Variants in DNAH11 observed in about 807,000 individuals in gnomAD.
DNAH11 encodes axonemal beta dynein heavy chain 11.
A neutral mutation model predicts 526.0 loss-of-function variants in DNAH11; 442 were observed. That is an observed-to-expected ratio of 0.84 (90% CI 0.78 to 0.91). DNAH11 has a LOEUF of 0.91. Among genes scored for constraint, DNAH11 ranks in the 40% least tolerant of loss-of-function variants. DNAH11 has a pLI of 0.00. For synonymous variants in DNAH11, 2,461 were observed against 1,935.9 expected (o/e 1.27, Z -7.12); for missense variants, 6,989 against 5,448.7 (o/e 1.28, Z -8.90).
rs780422496 is a variant in DNAH11, at chr7:21,742,170, C to T, written c.8154+4C>T. 1.9e-6 allele frequency: 3 copies of T among 1,613,374 alleles called. No homozygotes were observed. In the South Asian group the frequency reaches 3.3e-5, roughly 18 times the overall value. ...AGATTTATCAAACGTCTTCCAGGTA[C>T]CTTGACTGCTCTATGTTATGCCTCT... is the stretch of plus-strand genomic sequence containing the variant. On this transcript the variant is annotated splice_donor_region_variant and intron_variant, in intron 49 of 81. Transcript: ENST00000409508.
intron 28 of DNAH11, among the ~76,000 whole-genome samples, chr7:21,655,620 A>G (rs1192861301): frequency 6.6e-6 from 1 of 152,210 alleles, no homozygotes; most frequent in Admixed American, 6.5e-5. Context: ...ATCAGCCAGT[A>G]TGTGATGATT....
In DNAH11 at chr7:21,866,405, GTCT is replaced by G. The variant is rs1562592700; in HGVS notation, c.11497-58_11497-56del. 2.1e-5 allele frequency: 31 copies of G among 1,457,012 alleles called. No homozygotes were observed. In the South Asian group the frequency reaches 3.4e-4, roughly 16 times the overall value. 90.3% of individuals were successfully genotyped at this position (1,457,012 alleles called of 1,614,324 possible). Reference sequence around the variant, plus strand: ...TACATAAGATTAGATACATTCACAAGTCTTCTTCTCAAACTGTAAAGTATCGTT... The same window carrying G: ...TACATAAGATTAGATACATTCACAAGTCTTCTCAAACTGTAAAGTATCGTT... On this transcript the variant is annotated intron_variant, in intron 70 of 81. Transcript: ENST00000409508.
At chr7:21,783,830 T>C (rs1788060697) in intron 57 of DNAH11, among the ~76,000 whole-genome samples, 1 of 152,214 alleles carries the variant, frequency 6.6e-6, no homozygotes, top group South Asian at 2.1e-4. Context: ...ATGTGGGCTC[T>C]TGCATCTCTG....
At chr7:21,893,495 G>A (rs367626078) in intron 77 of DNAH11, among the ~76,000 whole-genome samples, 9 of 152,160 alleles carry the variant, frequency 5.9e-5, no homozygotes, top group Admixed American at 2.0e-4. Context: ...ATAAATTGCC[G>A]GTCAGAGTGA....
rs1233404810 is a variant in DNAH11, at chr7:21,698,132, T to C, written c.6099T>C (p.Ala2033=). 28 of 1,613,574 alleles carry C rather than the reference T, an allele frequency of 1.7e-5. No individual in the cohort carries two copies. The East Asian group carries it at 6.2e-4, about 36-fold the overall frequency. ...IELICEILLV[A]EGFVDARALA... ...TAATCTGTGAAATCTTGTTAGTTGC[T>C]GAAGGTTTTGTGGATGCGCGTGCAT... Residue 2033 remains alanine, a synonymous_variant, in exon 36 of 82, where the codon GCT becomes GCC. Transcript: ENST00000409508.
intron 8 of DNAH11, among the ~76,000 whole-genome samples, chr7:21,574,037 C>T (rs763265507): frequency 2.8e-4 from 43 of 152,168 alleles, no homozygotes; most frequent in Non-Finnish European, 1.0e-4. Context: ...GGGATTTTAT[C>T]AGGTGTGCCC....
intron 73 of DNAH11, among the ~76,000 whole-genome samples, chr7:21,872,868 C>T (rs182049374): frequency 2.0e-5 from 3 of 152,282 alleles, no homozygotes; most frequent in Non-Finnish European, 2.9e-5. Context: ...GGGTGTCAGG[C>T]ACATTTCTGG....
intron 8 of DNAH11, among the ~76,000 whole-genome samples, chr7:21,574,715 C>T (rs142905915): frequency 0.023 from 3,483 of 151,310 alleles, 116 homozygotes; most frequent in African/African-American, 0.078. Flanking sequence ...AGGGGCACAC[C>T]ACCACGCCCA....
At position 21,864,547 on chromosome 7, in the gene DNAH11, AAGAAAG is replaced by A; in HGVS notation, c.11390_11395del (p.Lys3797_Glu3798del). 6.2e-7 allele frequency: 1 copy of A among 1,611,314 alleles called. No homozygotes were observed. Among genetic ancestry groups the A allele is most frequent in the Non-Finnish European group, 8.5e-7 (1 of 1,178,670 alleles). ...GTCTACTCTCAAGATTTTGTTGAGA[AAGAAAG>A]AGATAGACCCTCTTGAATTGGATTT... On this transcript the variant is annotated inframe_deletion, in exon 70 of 82. Transcript: ENST00000409508.
chr7:21,772,109 G>T (rs996100870), intron 55 of DNAH11, among the ~76,000 whole-genome samples: 1 of 152,138 alleles, frequency 6.6e-6, no homozygotes, highest in African/African-American at 2.4e-5. Context: ...ATTACAACCA[G>T]CTGCTCCCTG....
At chr7:21,729,337 A>G (rs1300202892) in intron 45 of DNAH11, among the ~76,000 whole-genome samples, 2 of 151,898 alleles carry the variant, frequency 1.3e-5, no homozygotes, top group Non-Finnish European at 2.9e-5. Flanking sequence ...GAAATAGCTG[A>G]TTTTGTCTAA....
intron 63 of DNAH11, among the ~76,000 whole-genome samples, chr7:21,811,027 G>A (rs1262978996): frequency 1.3e-5 from 2 of 152,210 alleles, no homozygotes; most frequent in East Asian, 1.9e-4. Context: ...AGATGGAAGC[G>A]ATTCTTGTGT....
At chr7:21,893,070 G>A (rs1040105341) in intron 77 of DNAH11, among the ~76,000 whole-genome samples, 1 of 152,176 alleles carries the variant, frequency 6.6e-6, no homozygotes, top group East Asian at 1.9e-4. Flanking sequence ...TCATTGTACT[G>A]TGAATGGATG....
intron 2 of DNAH11, among the ~76,000 whole-genome samples, chr7:21,549,999 T>C (rs1782959242): frequency 6.6e-6 from 1 of 152,344 alleles, no homozygotes; most frequent in South Asian, 2.1e-4. Flanking sequence ...CATTTTGACC[T>C]GCTCTTTGTA....
chr7:21,879,466 CA>C (rs942342745), intron 74 of DNAH11, among the ~76,000 whole-genome samples: 5 of 146,420 alleles, frequency 3.4e-5, no homozygotes, highest in South Asian at 2.2e-4. Flanking sequence ...AACAAATAAA[CA>C]AAAAAAAAAC....
chr7:21,741,003 T>C (rs1785859967), intron 48 of DNAH11, among the ~76,000 whole-genome samples: 1 of 152,206 alleles, frequency 6.6e-6, no homozygotes, highest in Non-Finnish European at 1.5e-5. Context: ...GTGCTTATTG[T>C]TCATTTTTGT....
intron 47 of DNAH11, among the ~76,000 whole-genome samples, chr7:21,739,171 T>C (rs893779290): frequency 7.9e-5 from 12 of 152,200 alleles, no homozygotes; most frequent in African/African-American, 2.7e-4. Flanking sequence ...CACTTAATTA[T>C]TTAAGAGAAA....
At chr7:21,899,957 C>T (rs1357651401) in intron 80 of DNAH11, 23 bp from the exon 81 acceptor site, 2 of 1,612,462 alleles carry the variant, frequency 1.2e-6, no homozygotes, top group South Asian at 2.2e-5. Context: ...TTATCCTATT[C>T]AATTTTTGTT....
chr7:21,723,569 T>C (rs1215459852), intron 44 of DNAH11, among the ~76,000 whole-genome samples: 1 of 152,258 alleles, frequency 6.6e-6, no homozygotes, highest in African/African-American at 2.4e-5. Context: ...GGGTGATTTT[T>C]TGAAATGCAC....
Sources: gnomAD v4.1 joint callset for allele counts (sites outside exome capture counted in the v4.1 genomes callset) on GRCh38, gnomAD v4.1.1 for gene constraint, MANE v1.5 for transcripts, NCBI Gene and HGNC (gene_info 2026-07-23, HGNC 2026-07-21) for gene names.